The following SNX29 variants were observed in gnomAD, a reference collection of about 807,000 sequenced individuals.
SNX29 encodes the protein sorting nexin 29.
A neutral mutation model predicts 102.1 loss-of-function variants in SNX29; 78 were observed. The observed-to-expected ratio is 0.76, with a 90% CI of 0.64 to 0.92. The LOEUF (loss-of-function observed/expected upper bound fraction) is 0.92. SNX29 is among the 40% of genes least tolerant of loss of function. SNX29 has a pLI of 0.00. For synonymous variants in SNX29, 580 were observed against 414.5 expected (o/e 1.40, Z -4.85); for missense variants, 1,280 against 1,061.7 (o/e 1.21, Z -2.86).
intron 15 of SNX29, among the ~76,000 whole-genome samples, chr16:12,301,896 A>G (rs2080185542): frequency 6.6e-6 from 1 of 152,212 alleles, no homozygotes; most frequent in Admixed American, 6.5e-5. Flanking sequence ...TGATAGTCAC[A>G]CTATCACTTT....
At chr16:12,145,895 C>A (rs941785147) in intron 13 of SNX29, among the ~76,000 whole-genome samples, 2 of 152,168 alleles carry the variant, frequency 1.3e-5, no homozygotes, top group African/African-American at 4.8e-5. Context: ...TTTTTATAAA[C>A]CTATTCCGCC....
At chr16:12,538,397 G>C (rs1026631219) in intron 20 of SNX29, among the ~76,000 whole-genome samples, 7 of 152,100 alleles carry the variant, frequency 4.6e-5, no homozygotes, top group African/African-American at 1.7e-4. Context: ...GCCTCCCCTT[G>C]CACTTTTAAA....
At position 12,219,711 on chromosome 16, in the gene SNX29, G is replaced by A. The variant is rs551102736; in HGVS notation, c.1678+20028G>A. Among the ~76,000 whole-genome samples the A allele has an allele frequency of 5.3e-5, 8 of 152,332 alleles. No homozygotes were observed. In the South Asian group the frequency reaches 1.7e-3, roughly 32 times the overall value. ...CATAATGTTTTTCTAATTGCAAAGT[G>A]ACGCACAGACCAGTTTCCTCTGGAA... On this transcript the variant is annotated intron_variant, in intron 14 of 20. Coordinates refer to ENST00000566228, the MANE Select transcript of SNX29 (RefSeq NM_032167.5).
At chr16:12,534,787 T>C (rs1394578171) in intron 20 of SNX29, among the ~76,000 whole-genome samples, 2 of 152,180 alleles carry the variant, frequency 1.3e-5, no homozygotes, top group Admixed American at 1.3e-4. Flanking sequence ...GGTTTTTAAC[T>C]AAGGGCAATT....
chr16:12,366,863 C>T (rs956652889), intron 16 of SNX29: 7 of 150,584 alleles, frequency 4.6e-5, no homozygotes, highest in Non-Finnish European at 1.0e-4. Flanking sequence ...CTTTCTTTTC[C>T]TCTGTCTGTC....
intron 13 of SNX29, among the ~76,000 whole-genome samples, chr16:12,162,873 A>T (rs1384361352): frequency 6.6e-6 from 1 of 151,474 alleles, no homozygotes; most frequent in African/African-American, 2.4e-5. Context: ...CACACAACAT[A>T]GTTGTTGCTT....
chr16:12,103,829 C>T (rs565383151), intron 11 of SNX29, among the ~76,000 whole-genome samples: 2 of 152,350 alleles, frequency 1.3e-5, no homozygotes, highest in African/African-American at 4.8e-5. Context: ...CTACAAGGAA[C>T]TTAAACAACT....
At chr16:12,526,066 T>A (rs2076774771) in intron 20 of SNX29, among the ~76,000 whole-genome samples, 1 of 152,146 alleles carries the variant, frequency 6.6e-6, no homozygotes, top group Non-Finnish European at 1.5e-5. Context: ...AATCTTACCG[T>A]GATAGAAACA....
At chr16:12,396,529 G>C (rs1361857433) in intron 16 of SNX29, among the ~76,000 whole-genome samples, 2 of 152,216 alleles carry the variant, frequency 1.3e-5, no homozygotes, top group African/African-American at 4.8e-5. Flanking sequence ...CAGCCTCAGT[G>C]CTGAGTGGGA....
chr16:12,173,921 A>G (rs752233801), intron 13 of SNX29, among the ~76,000 whole-genome samples: 4 of 152,188 alleles, frequency 2.6e-5, no homozygotes, highest in Non-Finnish European at 5.9e-5. Context: ...CTGGGATTAC[A>G]AGTATGCCCC....
chr16:12,214,050 G>C (rs2077258331), intron 14 of SNX29, among the ~76,000 whole-genome samples: 1 of 152,186 alleles, frequency 6.6e-6, no homozygotes, highest in African/African-American at 2.4e-5. Flanking sequence ...AGAGGATCCA[G>C]TCCCAGGTTC....
intron 18 of SNX29, among the ~76,000 whole-genome samples, chr16:12,428,177 A>G (rs1388959368): frequency 6.6e-6 from 1 of 152,098 alleles, no homozygotes; most frequent in African/African-American, 2.4e-5. Flanking sequence ...ACATTTTCTA[A>G]TGTTACTCTT....
intron 6 of SNX29, among the ~76,000 whole-genome samples, chr16:12,047,312 A>C (rs895126671): frequency 7.2e-5 from 11 of 152,304 alleles, no homozygotes; most frequent in Middle Eastern, 3.4e-3. Flanking sequence ...TGAAGTGGGC[A>C]ACTTGCTTCC....
intron 14 of SNX29, among the ~76,000 whole-genome samples, chr16:12,244,884 C>T (rs1230674807): frequency 6.6e-6 from 1 of 152,180 alleles, no homozygotes; most frequent in African/African-American, 2.4e-5. Context: ...TTTGAAATGA[C>T]AGTTTTGTGT....
rs1310582089 is a variant in SNX29 at position 12,569,294 on chromosome 16, A to AT, written c.*666dup. ...TCAGAGAACTTCCCCTACCTCCCCC[A>AT]TGGCTGGCTTCAGGAAGGACCAGTG... On this transcript the variant is annotated 3_prime_UTR_variant, in exon 21 of 21. Coordinates refer to ENST00000566228, the MANE Select transcript of SNX29 (RefSeq NM_032167.5). 4.4e-6 allele frequency: 1 copy of AT among 228,912 alleles called. No individual in the cohort carries two copies. Among genetic ancestry groups the AT allele is most frequent in the East Asian group, 6.2e-5 (1 of 16,028 alleles). The allele number at this position is 228,912 out of a possible 1,614,324, so 14.2% of individuals were successfully genotyped here.
chr16:12,322,320 T>G (rs2080966263), intron 15 of SNX29, among the ~76,000 whole-genome samples: 1 of 152,018 alleles, frequency 6.6e-6, no homozygotes, highest in Non-Finnish European at 1.5e-5. Flanking sequence ...CTGGTGGAAA[T>G]CAGGGGCTAT....
At chr16:12,310,067 C>T (rs1441979661) in intron 15 of SNX29, among the ~76,000 whole-genome samples, 1 of 151,720 alleles carries the variant, frequency 6.6e-6, no homozygotes, top group African/African-American at 2.4e-5. Flanking sequence ...CGCATGCACG[C>T]ACATACATAC....
chr16:12,348,623 C>T (rs148676867), intron 15 of SNX29, among the ~76,000 whole-genome samples: 97 of 152,270 alleles, frequency 6.4e-4, no homozygotes, highest in African/African-American at 2.2e-3. Flanking sequence ...AGCACCCTTC[C>T]AGGTCCTCTG....
chr16:12,545,928 A>G (rs910048582), intron 20 of SNX29, among the ~76,000 whole-genome samples: 4 of 152,092 alleles, frequency 2.6e-5, no homozygotes, highest in African/African-American at 7.2e-5. Flanking sequence ...GGGGCTATTA[A>G]TATTTATGTA....
Sources: allele counts gnomAD v4.1 joint callset (sites outside exome capture counted in the v4.1 genomes callset), GRCh38; gene constraint gnomAD v4.1.1; transcripts MANE v1.5; gene names NCBI Gene and HGNC (gene_info 2026-07-23, HGNC 2026-07-21).